Variants in STXBP3 observed in about 807,000 individuals in gnomAD.
The protein encoded by STXBP3 is syntaxin binding protein 3.
In STXBP3, 41 loss-of-function variants were observed where a neutral mutation model predicts 85.7. The observed-to-expected ratio is 0.48, with a 90% CI of 0.37 to 0.62. The LOEUF (loss-of-function observed/expected upper bound fraction) is 0.62. STXBP3 is among the 20% of genes least tolerant of loss of function. The pLI is 0.00. For missense variants in STXBP3, 563 were observed against 703.1 expected (o/e 0.80, Z 2.25); for synonymous variants, 229 against 231.7 (o/e 0.99, Z 0.10).
In STXBP3 at chr1:108,772,570, T is replaced by C. The variant is rs947445648; in HGVS notation, c.439-95T>C. The C allele has an allele frequency of 3.7e-5, 15 of 405,932 alleles. No individual in the cohort carries two copies. In the Admixed American group the frequency reaches 7.7e-4, roughly 21 times the overall value. 25.1% of individuals were successfully genotyped at this position (405,932 alleles called of 1,614,324 possible). A position where few individuals can be genotyped will look rare whatever the true frequency, so the allele number is the denominator to read the frequency against. On this transcript the variant is annotated intron_variant, in intron 6 of 18. Coordinates refer to ENST00000370008, the MANE Select transcript of STXBP3 (RefSeq NM_007269.4). ...TATAAATACATATGATATATATCTA[T>C]ATAATATATACATTATATATAACAT... is the stretch of plus-strand genomic sequence containing the variant.
Position 108,758,453 on chromosome 1 carries a change from T to A in STXBP3, c.259-57T>A, listed in dbSNP as rs1662064316. 7 of 862,468 alleles carry A rather than the reference T, an allele frequency of 8.1e-6. No individual in the cohort carries two copies. In the Admixed American group the frequency reaches 2.2e-4, roughly 27 times the overall value. 53.4% of individuals were successfully genotyped at this position (862,468 alleles called of 1,614,324 possible). A position where few individuals can be genotyped will look rare whatever the true frequency, so the allele number is the denominator to read the frequency against. Reference sequence around the variant, plus strand: ...AAATAATCTTAGTCATTTCAAAAGGTAACATATTTAAATTAATATTTAATA... The same window carrying A: ...AAATAATCTTAGTCATTTCAAAAGGAAACATATTTAAATTAATATTTAATA... On this transcript the variant is annotated intron_variant, in intron 4 of 18. Coordinates refer to ENST00000370008, the MANE Select transcript of STXBP3 (RefSeq NM_007269.4).
rs1280772577 is a variant in STXBP3, at chr1:108,793,352, TTTTA to T, written c.964-222_964-219del. 3.3e-5 allele frequency among the ~76,000 whole-genome samples: 5 copies of T among 152,018 alleles called. 1 individual carries two copies. The highest frequency in any genetic ancestry group is 4.1e-4 in the South Asian group (2 of 4,830). ...TTTATCCATTACTTGAAAGCTATTG[TTTTA>T]TTTATTTGTCCAATCTTATTTATTT... On this transcript the variant is annotated intron_variant, in intron 11 of 18. Coordinates refer to ENST00000370008, the MANE Select transcript of STXBP3 (RefSeq NM_007269.4).
chr1:108,793,436 C>G, intron 11 of STXBP3, 146 bp from the exon 12 acceptor site: 1 of 549,134 alleles, frequency 1.8e-6, no homozygotes, highest in Non-Finnish European at 3.2e-6. Context: ...AAACTGGAAG[C>G]CTCCTAAATT....
At chr1:108,796,416 C>G in intron 14 of STXBP3, 44 bp downstream of exon 14, 2 of 1,351,576 alleles carry the variant, frequency 1.5e-6, no homozygotes, top group Non-Finnish European at 2.0e-6. Flanking sequence ...TACTATTGAT[C>G]ATAAAAGAAT....
chr1:108,793,109 G>T (rs1479273226), intron 11 of STXBP3, among the ~76,000 whole-genome samples: 1 of 136,140 alleles, frequency 7.3e-6, no homozygotes, highest in Non-Finnish European at 1.5e-5. Flanking sequence ...TTTCTTTTTA[G>T]CACTCTGCTT....
At chr1:108,797,016 T>C (rs1663117356) in intron 15 of STXBP3, among the ~76,000 whole-genome samples, 1 of 152,142 alleles carries the variant, frequency 6.6e-6, no homozygotes, top group African/African-American at 2.4e-5. Context: ...AACCTTTAAC[T>C]ATAATATGGC....
intron 3 of STXBP3, among the ~76,000 whole-genome samples, chr1:108,754,384 A>T (rs1471459071): frequency 6.6e-6 from 1 of 152,122 alleles, no homozygotes; most frequent in Admixed American, 6.6e-5. Flanking sequence ...GGTCTTTCTG[A>T]CCCTCAATGT....
At chr1:108,797,015 C>T (rs1417472834) in intron 15 of STXBP3, among the ~76,000 whole-genome samples, 1 of 151,870 alleles carries the variant, frequency 6.6e-6, no homozygotes, top group Non-Finnish European at 1.5e-5. Flanking sequence ...TAACCTTTAA[C>T]TATAATATGG....
chr1:108,804,992 A>G (rs1663300554), intron 17 of STXBP3, among the ~76,000 whole-genome samples: 1 of 152,218 alleles, frequency 6.6e-6, no homozygotes, highest in Admixed American at 6.5e-5. Context: ...ACTCTCAGCT[A>G]TGCTTTAAAA....
At chr1:108,782,580 G>A (rs1662739210) in intron 10 of STXBP3, 63 bp downstream of exon 10, 1 of 1,599,288 alleles carries the variant, frequency 6.3e-7, no homozygotes, top group East Asian at 2.2e-5. Context: ...AGTACATTTT[G>A]TAACCTTAAA....
intron 1 of STXBP3, among the ~76,000 whole-genome samples, chr1:108,751,545 AATTAT>A: frequency 6.6e-6 from 1 of 152,114 alleles, no homozygotes; most frequent in East Asian, 1.9e-4. Flanking sequence ...TTTATATTTT[AATTAT>A]ATTTTATGTA....
chr1:108,754,810 A>AT (rs1431940693), intron 3 of STXBP3, among the ~76,000 whole-genome samples: 10 of 152,158 alleles, frequency 6.6e-5, no homozygotes, highest in Admixed American at 6.6e-4. Flanking sequence ...ACAGAAAGCT[A>AT]TTTTTGAGAA....
chr1:108,765,128 A>T (rs761780402), intron 6 of STXBP3, among the ~76,000 whole-genome samples: 1 of 152,096 alleles, frequency 6.6e-6, no homozygotes, highest in Non-Finnish European at 1.5e-5. Context: ...CCATTTATTG[A>T]TTAGGGAGTC....
chr1:108,783,828 ATTC>A (rs967676163), intron 11 of STXBP3, among the ~76,000 whole-genome samples: 22 of 152,258 alleles, frequency 1.4e-4, no homozygotes, highest in African/African-American at 5.3e-4. Context: ...CACTTGATAT[ATTC>A]TTGTCTTTAT....
rs114983860 is a variant in STXBP3 at position 108,749,392 on chromosome 1, C to T, written c.49+2606C>T. Among the ~76,000 whole-genome samples, 1,142 of 152,098 alleles carry T rather than the reference C, an allele frequency of 7.5e-3. 12 individuals carry two copies. The highest frequency in any genetic ancestry group is 0.026 in the African/African-American group (1,092 of 41,480). ...GAAAGGCTGTAAGATTGTGGAAAAT[C>T]GAAAGATTAATATGATAGATGAAAC... On this transcript the variant is annotated intron_variant, in intron 1 of 18. Transcript: ENST00000370008.
chr1:108,796,418 TAAAA>T (rs949405630), intron 14 of STXBP3, 46 bp downstream of exon 14: 2 of 1,348,282 alleles, frequency 1.5e-6, no homozygotes, highest in African/African-American at 3.0e-5. Context: ...CTATTGATCA[TAAAA>T]GAATCTTTGA....
intron 1 of STXBP3, among the ~76,000 whole-genome samples, chr1:108,749,267 G>C (rs1193265351): frequency 6.6e-6 from 1 of 152,214 alleles, no homozygotes; most frequent in African/African-American, 2.4e-5. Context: ...ATAATACTTA[G>C]AGAAATAAGT....
At chr1:108,793,004 A>G (rs1663009650) in intron 11 of STXBP3, among the ~76,000 whole-genome samples, 3 of 152,024 alleles carry the variant, frequency 2.0e-5, no homozygotes, top group Non-Finnish European at 4.4e-5. Flanking sequence ...GTTGTTCTTT[A>G]CTACACCTTT....
intron 4 of STXBP3, 45 bp downstream of exon 4, chr1:108,756,811 C>A: frequency 1.4e-6 from 2 of 1,414,420 alleles, no homozygotes; most frequent in South Asian, 2.7e-5. Context: ...CAATATTTCA[C>A]CATTGTTATG....
Sources: allele counts gnomAD v4.1 joint callset (sites outside exome capture counted in the v4.1 genomes callset), GRCh38; gene constraint gnomAD v4.1.1; transcripts MANE v1.5; gene names NCBI Gene and HGNC (gene_info 2026-07-23, HGNC 2026-07-21).